The following RPH3A variants were observed in gnomAD, a reference collection of about 807,000 sequenced individuals.
RPH3A encodes rabphilin-3A.
Under a neutral mutation model 102.2 loss-of-function variants are expected in RPH3A, and 48 were observed. The observed-to-expected ratio is 0.47, with a 90% CI of 0.37 to 0.60. The LOEUF is 0.60. RPH3A is among the 20% of genes least tolerant of loss of function. The pLI is 0.00. For synonymous variants in RPH3A, 310 were observed against 324.3 expected (o/e 0.96, Z 0.47); for missense variants, 781 against 910.1 (o/e 0.86, Z 1.83).
intron 1 of RPH3A, among the ~76,000 whole-genome samples, chr12:112,764,183 T>C (rs2040872767): frequency 6.6e-6 from 1 of 152,184 alleles, no homozygotes; most frequent in African/African-American, 2.4e-5. Context: ...ACAAATTTAT[T>C]TAATTCAGGA....
chr12:112,801,825 T>TAG (rs2041359411), intron 2 of RPH3A, among the ~76,000 whole-genome samples: 2 of 152,212 alleles, frequency 1.3e-5, no homozygotes, highest in Non-Finnish European at 2.9e-5. Context: ...AACCCTATTC[T>TAG]ACTCTGTTTA....
intron 1 of RPH3A, among the ~76,000 whole-genome samples, chr12:112,655,749 T>C (rs976358604): frequency 2.0e-5 from 3 of 151,936 alleles, no homozygotes; most frequent in African/African-American, 7.3e-5. Context: ...TTTTTTGTAT[T>C]TTTAGTAGAG....
At chr12:112,847,643 A>G in intron 4 of RPH3A, 53 bp from the exon 5 acceptor site, 5 of 1,582,526 alleles carry the variant, frequency 3.2e-6, no homozygotes, top group Non-Finnish European at 4.3e-6. Flanking sequence ...CCCGGCAGGA[A>G]TTTGAACTAC....
At chr12:112,632,547 G>T (rs1052320420) in intron 1 of RPH3A, among the ~76,000 whole-genome samples, 1 of 152,170 alleles carries the variant, frequency 6.6e-6, no homozygotes, top group African/African-American at 2.4e-5. Flanking sequence ...GTTCCTCCAA[G>T]TGACAAACCC....
rs988566422 is a variant in RPH3A, at chr12:112,836,478, T to C, written c.72-13T>C. ...TCATTTTTTCTTTCTCTCCTTTCTC[T>C]GCCTTCCTTCAGTGATAAAGAACAG... On this transcript the variant is annotated splice_polypyrimidine_tract_variant and intron_variant, in intron 3 of 21. Transcript: ENST00000389385. The C allele has an allele frequency of 7.5e-7, 1 of 1,333,766 alleles. No homozygotes were observed. 82.6% of individuals were successfully genotyped at this position (1,333,766 alleles called of 1,614,324 possible).
intron 1 of RPH3A, among the ~76,000 whole-genome samples, chr12:112,727,493 A>ACACACAC (rs1284810799): frequency 1.2e-4 from 5 of 41,624 alleles, no homozygotes; most frequent in Non-Finnish European, 1.8e-4. Flanking sequence ...ACACACACAG[A>ACACACAC]CCCCCCCCCC....
intron 13 of RPH3A, among the ~76,000 whole-genome samples, chr12:112,877,419 TACAC>T (rs3038114): frequency 0.069 from 9,800 of 141,246 alleles, 657 homozygotes; most frequent in African/African-American, 0.18. Context: ...CACACACGTA[TACAC>T]ACACACACAC....
chr12:112,583,695 A>T (rs2039416656), intron 1 of RPH3A, among the ~76,000 whole-genome samples: 1 of 149,304 alleles, frequency 6.7e-6, no homozygotes, highest in South Asian at 2.4e-4. Flanking sequence ...CTACAAAATT[A>T]AAGGGCTGGC....
intron 1 of RPH3A, among the ~76,000 whole-genome samples, chr12:112,719,214 A>G (rs1353265883): frequency 6.6e-6 from 1 of 152,180 alleles, no homozygotes; most frequent in East Asian, 1.9e-4. Context: ...TATATCCTCC[A>G]GTGTTTCTTA....
intron 3 of RPH3A, among the ~76,000 whole-genome samples, chr12:112,829,372 G>A (rs2041931815): frequency 7.0e-6 from 1 of 143,472 alleles, no homozygotes; most frequent in Non-Finnish European, 1.5e-5. Context: ...CTGGGCTCAA[G>A]CAATCCTCTT....
chr12:112,686,045 C>T (rs1264376910), intron 1 of RPH3A, among the ~76,000 whole-genome samples: 1 of 152,114 alleles, frequency 6.6e-6, no homozygotes, highest in Non-Finnish European at 1.5e-5. Context: ...AATCAGACTT[C>T]CAATGACTCC....
chr12:112,617,527 T>A (rs2039689879), intron 1 of RPH3A, among the ~76,000 whole-genome samples: 1 of 152,192 alleles, frequency 6.6e-6, no homozygotes, highest in Non-Finnish European at 1.5e-5. Context: ...ATAGGCTCAA[T>A]ATCAGAGAGA....
chr12:112,819,815 C>A (rs4766657), intron 2 of RPH3A, among the ~76,000 whole-genome samples: 3,447 of 152,342 alleles, frequency 0.023, 142 homozygotes, highest in Admixed American at 0.11. Context: ...CATTCTCCAG[C>A]AGGCTAGCCT....
intron 1 of RPH3A, among the ~76,000 whole-genome samples, chr12:112,781,775 A>G (rs2041010581): frequency 6.6e-6 from 1 of 152,254 alleles, no homozygotes; most frequent in Non-Finnish European, 1.5e-5. Flanking sequence ...TACACAAGAA[A>G]GACATGGCTT....
intron 2 of RPH3A, among the ~76,000 whole-genome samples, chr12:112,818,256 G>A (rs1198808440): frequency 6.8e-6 from 1 of 147,132 alleles, no homozygotes; most frequent in South Asian, 2.1e-4. Context: ...CCGAGATCGC[G>A]CCACTGCACT....
At chr12:112,726,362 G>T (rs568206821) in intron 1 of RPH3A, among the ~76,000 whole-genome samples, 2 of 152,062 alleles carry the variant, frequency 1.3e-5, no homozygotes, top group Non-Finnish European at 2.9e-5. Flanking sequence ...TGATCTGTCC[G>T]CCTCAGCCTC....
intron 1 of RPH3A, among the ~76,000 whole-genome samples, chr12:112,730,403 A>T (rs1218760923): frequency 6.6e-6 from 1 of 152,210 alleles, no homozygotes; most frequent in African/African-American, 2.4e-5. Context: ...AGCTTGCCCA[A>T]GGTCATGCCT....
chr12:112,817,797 A>G (rs941930752), intron 2 of RPH3A, among the ~76,000 whole-genome samples: 4 of 152,124 alleles, frequency 2.6e-5, no homozygotes, highest in Admixed American at 1.3e-4. Context: ...CTGTCCTCCA[A>G]GGAGCTTGGA....
chr12:112,739,270 A>AT (rs1264716238), intron 1 of RPH3A, among the ~76,000 whole-genome samples: 1 of 152,012 alleles, frequency 6.6e-6, no homozygotes, highest in Non-Finnish European at 1.5e-5. Flanking sequence ...AATTAGGTCT[A>AT]TTTTTTTTGA....
Sources: gnomAD v4.1 joint callset for allele counts (sites outside exome capture counted in the v4.1 genomes callset) on GRCh38, gnomAD v4.1.1 for gene constraint, MANE v1.5 for transcripts, NCBI Gene and HGNC (gene_info 2026-07-23, HGNC 2026-07-21) for gene names.